The following PAPSS2 variants were observed in gnomAD, a reference collection of about 807,000 sequenced individuals.
The protein encoded by PAPSS2 is 3'-phosphoadenosine 5'-phosphosulfate synthase 2.
Under a neutral mutation model 66.5 loss-of-function variants are expected in PAPSS2, and 61 were observed. The observed-to-expected ratio is 0.92, with a 90% confidence interval of 0.75 to 1.14. The LOEUF is 1.14. PAPSS2 is among the 50% of genes most tolerant of loss of function. The pLI is 0.00. For synonymous variants in PAPSS2, 289 were observed against 287.5 expected (o/e 1.01, Z -0.05); for missense variants, 708 against 789.6 (o/e 0.90, Z 1.24).
chr10:87,668,217 CTTTT>C (rs1337608355), intron 1 of PAPSS2, among the ~76,000 whole-genome samples: 6 of 152,288 alleles, frequency 3.9e-5, no homozygotes, highest in Admixed American at 3.9e-4. Flanking sequence ...CCTGAATTAA[CTTTT>C]TGGCCCTCTG....
At chr10:87,709,344 T>TGA in intron 2 of PAPSS2, 31 bp downstream of exon 2, 2 of 1,004,408 alleles carry the variant, frequency 2.0e-6, no homozygotes, top group Non-Finnish European at 1.5e-6. Flanking sequence ...TATATATATA[T>TGA]ACAAATTGCA....
chr10:87,725,896 C>CAA, intron 8 of PAPSS2, among the ~76,000 whole-genome samples: 1 of 151,668 alleles, frequency 6.6e-6, no homozygotes, highest in Non-Finnish European at 1.5e-5. Flanking sequence ...CACACACACA[C>CAA]ACACACACAC....
chr10:87,689,411 C>T (rs1853136545), intron 1 of PAPSS2, among the ~76,000 whole-genome samples: 1 of 151,558 alleles, frequency 6.6e-6, no homozygotes, highest in Admixed American at 6.6e-5. Context: ...TGGCCCAGGC[C>T]TGTAATCCCA....
chr10:87,700,019 T>A (rs1013765563), intron 1 of PAPSS2, among the ~76,000 whole-genome samples: 1 of 152,146 alleles, frequency 6.6e-6, no homozygotes, highest in Admixed American at 6.5e-5. Flanking sequence ...TCAGACTTTT[T>A]TCTATATAGC....
At chr10:87,689,967 G>C (rs533854857) in intron 1 of PAPSS2, among the ~76,000 whole-genome samples, 2 of 152,230 alleles carry the variant, frequency 1.3e-5, no homozygotes, top group Non-Finnish European at 2.9e-5. Context: ...ATGCTGTTGG[G>C]AACTGAAACT....
chr10:87,734,312 C>T (rs1019988413), intron 9 of PAPSS2, among the ~76,000 whole-genome samples: 1 of 152,102 alleles, frequency 6.6e-6, no homozygotes, highest in East Asian at 1.9e-4. Context: ...TTTCAGAAGT[C>T]AGCACTGACT....
intron 1 of PAPSS2, among the ~76,000 whole-genome samples, chr10:87,690,695 A>G (rs539950286): frequency 6.6e-6 from 1 of 152,348 alleles, no homozygotes; most frequent in East Asian, 1.9e-4. Context: ...GAAAAGACCC[A>G]TTTTAATTAT....
intron 1 of PAPSS2, among the ~76,000 whole-genome samples, chr10:87,683,510 C>T (rs971775323): frequency 3.9e-5 from 6 of 152,158 alleles, no homozygotes; most frequent in African/African-American, 9.7e-5. Context: ...CTGACAAGAA[C>T]GAAACAGAGT....
chr10:87,733,714 A>C (rs1231229303), intron 9 of PAPSS2, among the ~76,000 whole-genome samples: 1 of 152,126 alleles, frequency 6.6e-6, no homozygotes, highest in African/African-American at 2.4e-5. Context: ...GCTCCCCGTG[A>C]TTCTAATGGG....
intron 8 of PAPSS2, among the ~76,000 whole-genome samples, chr10:87,727,011 C>A (rs1002063436): frequency 6.6e-6 from 1 of 152,186 alleles, no homozygotes; most frequent in African/African-American, 2.4e-5. Context: ...CACAAAGAGG[C>A]GTTTCCAAAG....
At chr10:87,680,288 TCTCA>T (rs1370414637) in intron 1 of PAPSS2, among the ~76,000 whole-genome samples, 1 of 152,198 alleles carries the variant, frequency 6.6e-6, no homozygotes, top group Non-Finnish European at 1.5e-5. Context: ...CTTTATTTGG[TCTCA>T]CTCTAAGTTG....
intron 1 of PAPSS2, among the ~76,000 whole-genome samples, chr10:87,673,689 CTTTTTTTTTT>C (rs34935261): frequency 1.1e-3 from 75 of 67,416 alleles, no homozygotes; most frequent in East Asian, 1.8e-3. Context: ...TTTTGGCTTA[CTTTTTTTTTT>C]TTTTTTTTTT....
chr10:87,733,836 C>G lies in PAPSS2; in HGVS notation c.1086+6347C>G, dbSNP rs544441004. Among the ~76,000 whole-genome samples the G allele has an allele frequency of 4.0e-5, 6 of 151,652 alleles. No individual in the cohort carries two copies. The East Asian group carries it at 7.8e-4, about 20-fold the overall frequency. On this transcript the variant is annotated intron_variant, in intron 9 of 12. Transcript: ENST00000456849. Reference sequence around the variant, plus strand: ...CAAACTCAACATGTTTAACCTCCCCCCAAGCCTGTTCCCCCTACTATGTCT... The same window carrying G: ...CAAACTCAACATGTTTAACCTCCCCGCAAGCCTGTTCCCCCTACTATGTCT...
intron 8 of PAPSS2, among the ~76,000 whole-genome samples, chr10:87,723,163 C>A (rs1589437805): frequency 1.3e-5 from 2 of 152,198 alleles, no homozygotes; most frequent in South Asian, 4.1e-4. Flanking sequence ...TCGGCCAAGT[C>A]ATTCTTTATA....
chr10:87,682,501 A>T (rs1853034565), intron 1 of PAPSS2, among the ~76,000 whole-genome samples: 1 of 152,208 alleles, frequency 6.6e-6, no homozygotes, highest in Non-Finnish European at 1.5e-5. Flanking sequence ...CTTGAATTGG[A>T]GTGTTCATTA....
chr10:87,698,235 C>T (rs888756456), intron 1 of PAPSS2, among the ~76,000 whole-genome samples: 7 of 152,106 alleles, frequency 4.6e-5, no homozygotes, highest in South Asian at 2.1e-4. Flanking sequence ...TGTATGTTTT[C>T]CCCTTAAAGT....
chr10:87,721,393 T>C (rs1232715159), intron 7 of PAPSS2, among the ~76,000 whole-genome samples: 4 of 152,172 alleles, frequency 2.6e-5, no homozygotes, highest in Non-Finnish European at 4.4e-5. Flanking sequence ...TGAGATCACA[T>C]GTTTGCAAGA....
rs1853524085 is a variant in PAPSS2, at chr10:87,715,730, A to G, written c.754-2A>G. 6.3e-7 allele frequency: 1 copy of G among 1,599,798 alleles called. No homozygotes were observed. Among genetic ancestry groups the G allele is most frequent in the African/African-American group, 1.3e-5 (1 of 74,798 alleles). ...TGTTCAACTACTTTTTGTGTTTTGC[A>G]GCTGGATCTCCAGTGGGTCCAGGTT... On this transcript the variant is annotated splice_acceptor_variant, in intron 6 of 12. Transcript: ENST00000456849. LOFTEE classifies it high-confidence loss of function.
intron 1 of PAPSS2, among the ~76,000 whole-genome samples, chr10:87,665,958 A>AT (rs998167034): frequency 3.0e-5 from 4 of 132,236 alleles, no homozygotes; most frequent in South Asian, 5.0e-4. Context: ...TGTTGTTTTA[A>AT]TTTTTTTTTC....
Sources: allele counts gnomAD v4.1 joint callset (sites outside exome capture counted in the v4.1 genomes callset), GRCh38; gene constraint gnomAD v4.1.1; transcripts MANE v1.5; gene names NCBI Gene and HGNC (gene_info 2026-07-23, HGNC 2026-07-21).